Variants in RUNX1 observed in about 807,000 individuals in gnomAD.
RUNX1 encodes the protein RUNX family transcription factor 1, also known as runt-related transcription factor 1.
A neutral mutation model predicts 42.8 loss-of-function variants in RUNX1; 19 were observed. The ratio of observed to expected loss-of-function variants is 0.44; its 90% confidence interval spans 0.31 to 0.65. The LOEUF (loss-of-function observed/expected upper bound fraction) is 0.65, where lower values mean the gene tolerates loss of function less well. Ranked by LOEUF, RUNX1 falls within the 30% of genes least tolerant of loss-of-function variation. RUNX1 has a pLI of 0.07. For synonymous variants in RUNX1, 271 were observed against 289.4 expected, an observed-to-expected ratio of 0.94 and a Z score of 0.64; for missense variants, 528 against 672.0, an observed-to-expected ratio of 0.79 and a Z score of 2.37.
intron 2 of RUNX1, among the ~76,000 whole-genome samples, chr21:34,983,227 A>G (rs1232602447): frequency 6.6e-6 from 1 of 152,234 alleles, no homozygotes; most frequent in Non-Finnish European, 1.5e-5. Flanking sequence ...AGGAAGGTTA[A>G]GCATTAGAAA....
chr21:34,974,950 AC>A (rs1180914678), intron 2 of RUNX1, among the ~76,000 whole-genome samples: 1 of 152,210 alleles, frequency 6.6e-6, no homozygotes, highest in Admixed American at 6.5e-5. Context: ...TTAAGTTCTC[AC>A]CGTATTTTAT....
At chr21:34,971,419 A>G (rs1447128903) in intron 2 of RUNX1, among the ~76,000 whole-genome samples, 1 of 152,146 alleles carries the variant, frequency 6.6e-6, no homozygotes, top group Non-Finnish European at 1.5e-5. Context: ...CTAAAGAATG[A>G]TAATTCTTTT....
chr21:34,821,124 A>C (rs1601391711), intron 7 of RUNX1, among the ~76,000 whole-genome samples: 1 of 152,140 alleles, frequency 6.6e-6, no homozygotes, highest in African/African-American at 2.4e-5. Context: ...TACCACTAAA[A>C]CCACCAATAC....
chr21:34,792,677 C>T lies in RUNX1; in HGVS notation c.968-67G>A. ...GTTGCGGAGGCCACAGCTCTTCCCT[C>T]TGCCCCAGGGGGCTACCCAGGATGA... is the stretch of plus-strand genomic sequence containing the variant. On this transcript the variant is annotated intron_variant, in intron 8 of 8. Coordinates refer to ENST00000675419, the MANE Select transcript of RUNX1 (RefSeq NM_001754.5). This position sits in a 1 kb window ranked among gnomAD's most constrained non-coding sequence, Gnocchi z 6.9. 6.9e-7 allele frequency: 1 copy of T among 1,440,524 alleles called. No individual in the cohort carries two copies. Among genetic ancestry groups the T allele is most frequent in the Non-Finnish European group, 9.4e-7 (1 of 1,068,154 alleles). 89.2% of individuals were successfully genotyped at this position (1,440,524 alleles called of 1,614,324 possible). A position where few individuals can be genotyped will look rare whatever the true frequency, so the allele number is the denominator to read the frequency against.
At chr21:35,047,081 G>C (rs1019803452) in intron 2 of RUNX1, among the ~76,000 whole-genome samples, 1 of 152,016 alleles carries the variant, frequency 6.6e-6, no homozygotes, top group Admixed American at 6.6e-5. Context: ...AGAGCCCCAG[G>C]GGCCAGCACT....
intron 3 of RUNX1, among the ~76,000 whole-genome samples, chr21:34,890,287 G>A (rs1350732976): frequency 2.6e-5 from 4 of 152,190 alleles, no homozygotes; most frequent in Non-Finnish European, 5.9e-5. Context: ...GCGGGGCTGT[G>A]CGGCCCGCCT....
At chr21:35,011,572 T>C (rs1230590269) in intron 2 of RUNX1, among the ~76,000 whole-genome samples, 2 of 152,104 alleles carry the variant, frequency 1.3e-5, no homozygotes, top group African/African-American at 2.4e-5. Context: ...GCAATAAATC[T>C]ACATTAATAA....
Position 35,048,840 on chromosome 21 carries a change from A to G in RUNX1, c.58+2T>C. ...GATATTACAAGACCAGCATGTACTC[A>G]CCTCTCATGAAGCACTGTGGGTACG... On this transcript the variant is annotated splice_donor_variant, in intron 2 of 8. Coordinates refer to ENST00000675419, the MANE Select transcript of RUNX1 (RefSeq NM_001754.5). LOFTEE classifies it high-confidence loss of function. The G allele has an allele frequency of 2.5e-6, 4 of 1,612,388 alleles. No homozygotes were observed. The highest frequency in any genetic ancestry group is 3.4e-6 in the Non-Finnish European group (4 of 1,178,576).
In RUNX1 at chr21:34,931,343, TA is replaced by T. The variant is rs2058443534; in HGVS notation, c.59-38381del. On this transcript the variant is annotated intron_variant, in intron 2 of 8. Coordinates refer to ENST00000675419, the MANE Select transcript of RUNX1 (RefSeq NM_001754.5). ...TTATATATATATACACATTTATATATATATATACATGTGTATATATATGTGT... is the reference window on the plus strand; with the variant it reads ...TTATATATATATACACATTTATATATTATATACATGTGTATATATATGTGT... 3.4e-5 allele frequency among the ~76,000 whole-genome samples: 5 copies of T among 146,026 alleles called. No individual in the cohort carries two copies. In the South Asian group the frequency reaches 1.1e-3, roughly 31 times the overall value.
At chr21:34,902,517 A>G (rs922561847) in intron 2 of RUNX1, among the ~76,000 whole-genome samples, 2 of 152,192 alleles carry the variant, frequency 1.3e-5, no homozygotes, top group African/African-American at 4.8e-5. Context: ...ATTCTATATA[A>G]AGGTATACAT....
chr21:34,837,594 T>G (rs1413500654), intron 6 of RUNX1, among the ~76,000 whole-genome samples: 1 of 152,210 alleles, frequency 6.6e-6, no homozygotes, highest in Non-Finnish European at 1.5e-5. Flanking sequence ...AAAGGCTCAT[T>G]TGCCCCCCGA....
intron 2 of RUNX1, among the ~76,000 whole-genome samples, chr21:35,009,137 A>G (rs2059106700): frequency 6.6e-6 from 1 of 151,912 alleles, no homozygotes; most frequent in Admixed American, 6.6e-5. Flanking sequence ...CCCTGTGCCA[A>G]CTCCACTGCA....
chr21:34,802,985 G>A (rs2834638), intron 7 of RUNX1, among the ~76,000 whole-genome samples: 11,990 of 152,194 alleles, frequency 0.079, 1,249 homozygotes, highest in African/African-American at 0.24. Flanking sequence ...CTTTATGATT[G>A]TATTACTAAA....
chr21:34,931,881 C>T (rs9974558), intron 2 of RUNX1, among the ~76,000 whole-genome samples: 21,433 of 151,854 alleles, frequency 0.14, 2,957 homozygotes, highest in African/African-American at 0.36. Context: ...TCAAAGCGCC[C>T]TGAGAAGTCT....
intron 2 of RUNX1, among the ~76,000 whole-genome samples, chr21:35,009,625 G>A (rs1157032049): frequency 6.6e-6 from 1 of 152,182 alleles, no homozygotes; most frequent in African/African-American, 2.4e-5. Flanking sequence ...GCCTGCTAGA[G>A]GACAATGGGC....
intron 2 of RUNX1, among the ~76,000 whole-genome samples, chr21:35,035,668 C>T (rs964004401): frequency 6.6e-6 from 1 of 152,170 alleles, no homozygotes; most frequent in Non-Finnish European, 1.5e-5. Context: ...CATCTCATAA[C>T]TTTAGTGGGT....
intron 2 of RUNX1, among the ~76,000 whole-genome samples, chr21:34,919,929 G>A (rs764606584): frequency 6.6e-6 from 1 of 152,126 alleles, no homozygotes; most frequent in African/African-American, 2.4e-5. Context: ...CTTCCTCACG[G>A]TAATTGAGCA....
chr21:34,856,361 T>A, intron 6 of RUNX1: 1 of 519,036 alleles, frequency 1.9e-6, no homozygotes, highest in African/African-American at 1.9e-5. Context: ...TAATAGACAG[T>A]CTTCGAGATG....
At chr21:35,017,031 T>C (rs1198720914) in intron 2 of RUNX1, among the ~76,000 whole-genome samples, 1 of 121,588 alleles carries the variant, frequency 8.2e-6, no homozygotes, top group Admixed American at 8.9e-5. Context: ...GAGGCAAAAA[T>C]GGGAGGGGGT....
Sources: allele counts gnomAD v4.1 joint callset (sites outside exome capture counted in the v4.1 genomes callset), GRCh38; gene constraint gnomAD v4.1.1; non-coding constraint Gnocchi (gnomAD v3.1); transcripts MANE v1.5; gene names NCBI Gene and HGNC (gene_info 2026-07-23, HGNC 2026-07-21).